KIF26B: variants seen among roughly 807,000 people sequenced by gnomAD.
KIF26B encodes kinesin-like protein KIF26B.
KIF26B carries 63 observed loss-of-function variants against 151.2 expected under a neutral mutation model. The observed-to-expected ratio is 0.42, with a 90% CI of 0.34 to 0.51. KIF26B has a LOEUF of 0.51. KIF26B is among the 20% of genes least tolerant of loss of function. KIF26B has a pLI of 0.07. For synonymous variants in KIF26B, 1,357 were observed against 1,262.1 expected, an observed-to-expected ratio of 1.08 and a Z score of -1.59; for missense variants, 2,813 against 2,913.6, an observed-to-expected ratio of 0.97 and a Z score of 0.79.
At chr1:245,210,674 C>T (rs540824505) in intron 2 of KIF26B, among the ~76,000 whole-genome samples, 102 of 152,132 alleles carry the variant, frequency 6.7e-4, no homozygotes, top group African/African-American at 2.0e-3. Flanking sequence ...AGGCCATCAC[C>T]GTAGGAGGAG....
chr1:245,522,019 GC>G (rs1661129774), intron 4 of KIF26B, among the ~76,000 whole-genome samples: 1 of 151,498 alleles, frequency 6.6e-6, no homozygotes, highest in African/African-American at 2.4e-5. Context: ...ACAGGCACCC[GC>G]CACCATGCCC....
intron 12 of KIF26B, among the ~76,000 whole-genome samples, chr1:245,692,765 G>A (rs931096788): frequency 6.6e-6 from 1 of 152,158 alleles, no homozygotes; most frequent in African/African-American, 2.4e-5. Flanking sequence ...ACAGGCTCTT[G>A]ACCAACAACG....
intron 5 of KIF26B, among the ~76,000 whole-genome samples, chr1:245,546,442 G>A (rs567151790): frequency 4.0e-4 from 59 of 146,574 alleles, no homozygotes; most frequent in South Asian, 2.7e-3. Context: ...AGGTGATGCC[G>A]GGGAAAATCT....
intron 3 of KIF26B, among the ~76,000 whole-genome samples, chr1:245,393,181 A>G (rs1673742690): frequency 6.6e-6 from 1 of 151,680 alleles, no homozygotes; most frequent in African/African-American, 2.4e-5. Context: ...AAAAGAAAGA[A>G]AAAAAAAATT....
chr1:245,678,225 C>T (rs969751369), intron 10 of KIF26B, among the ~76,000 whole-genome samples: 1 of 152,038 alleles, frequency 6.6e-6, no homozygotes, highest in Non-Finnish European at 1.5e-5. Flanking sequence ...CTTCACTCTG[C>T]AGCCGCCTCT....
chr1:245,338,529 A>G (rs1170420063), intron 2 of KIF26B, among the ~76,000 whole-genome samples: 1 of 152,168 alleles, frequency 6.6e-6, no homozygotes, highest in Non-Finnish European at 1.5e-5. Flanking sequence ...TATACATCTG[A>G]TTCACTTGCA....
Position 245,488,394 on chromosome 1 carries a change from T to C in KIF26B, c.1167-52373T>C, listed in dbSNP as rs573989923. Among the ~76,000 whole-genome samples the C allele has an allele frequency of 5.3e-5, 8 of 152,038 alleles. No homozygotes were observed. The highest frequency in any genetic ancestry group is 1.7e-4 in the African/African-American group (7 of 41,394). ...TTCCAACAGAACCTAACAATAGATA[T>C]GCTCTCTGAAAACTCTACCCAGATC... is the stretch of plus-strand genomic sequence containing the variant. On this transcript the variant is annotated intron_variant, in intron 4 of 14. Coordinates refer to ENST00000407071, the MANE Select transcript of KIF26B (RefSeq NM_018012.4). This position sits in a 1 kb window ranked among gnomAD's most constrained non-coding sequence, Gnocchi z 4.6.
intron 4 of KIF26B, among the ~76,000 whole-genome samples, chr1:245,532,451 T>C (rs1414723728): frequency 6.6e-6 from 1 of 151,956 alleles, no homozygotes; most frequent in Non-Finnish European, 1.5e-5. Flanking sequence ...TTCATCGTGT[T>C]AGCCAGGATG....
intron 2 of KIF26B, among the ~76,000 whole-genome samples, chr1:245,341,154 G>C (rs1672324816): frequency 6.6e-6 from 1 of 152,088 alleles, no homozygotes; most frequent in African/African-American, 2.4e-5. Context: ...CAGTGCTCCA[G>C]AGTCAAGTGC....
intron 2 of KIF26B, among the ~76,000 whole-genome samples, chr1:245,359,908 T>A (rs1309099508): frequency 6.7e-6 from 1 of 150,080 alleles, no homozygotes; most frequent in Non-Finnish European, 1.5e-5. Flanking sequence ...GGTCTCACTC[T>A]GTCACCCGGG....
chr1:245,612,198 C>T (rs2043535231), intron 9 of KIF26B, among the ~76,000 whole-genome samples: 1 of 152,042 alleles, frequency 6.6e-6, no homozygotes, highest in Admixed American at 6.6e-5. Flanking sequence ...CAGCCTCAAA[C>T]TCCTGGGCTC....
At chr1:245,689,663 T>C (rs534612413) in intron 12 of KIF26B, among the ~76,000 whole-genome samples, 1 of 152,352 alleles carries the variant, frequency 6.6e-6, no homozygotes, top group South Asian at 2.1e-4. Flanking sequence ...GTTCAAGTGA[T>C]TCTCCTGCTT....
chr1:245,600,875 A>G (rs2043389024), intron 5 of KIF26B, among the ~76,000 whole-genome samples: 1 of 152,048 alleles, frequency 6.6e-6, no homozygotes, highest in South Asian at 2.1e-4. Context: ...GAGAAGTGTG[A>G]CTGTTTGTGG....
At chr1:245,513,576 C>G (rs1285730096) in intron 4 of KIF26B, among the ~76,000 whole-genome samples, 1 of 152,154 alleles carries the variant, frequency 6.6e-6, no homozygotes, top group Non-Finnish European at 1.5e-5. Context: ...GATGTTCTGC[C>G]AGAAAGCTTT....
Position 245,678,820 on chromosome 1 carries a change from A to G in KIF26B, c.2259-5413A>G, listed in dbSNP as rs555193090. On this transcript the variant is annotated intron_variant, in intron 10 of 14. Coordinates refer to ENST00000407071, the MANE Select transcript of KIF26B (RefSeq NM_018012.4). ...GGAGGTTGCCGTGAGCTGAGATCAC[A>G]CTACTGCACTCCAGCCCGGGTGACA... 1.1e-3 allele frequency among the ~76,000 whole-genome samples: 162 copies of G among 151,896 alleles called. 1 individual carries two copies. The highest frequency in any genetic ancestry group is 1.4e-3 in the Non-Finnish European group (97 of 67,930).
chr1:245,418,451 A>G (rs1449829189), intron 3 of KIF26B, among the ~76,000 whole-genome samples: 1 of 152,254 alleles, frequency 6.6e-6, no homozygotes, highest in African/African-American at 2.4e-5. Flanking sequence ...AATGGGATTC[A>G]GAGTAATGGC....
intron 2 of KIF26B, among the ~76,000 whole-genome samples, chr1:245,224,327 C>G (rs971062184): frequency 1.3e-5 from 2 of 152,200 alleles, no homozygotes; most frequent in Non-Finnish European, 2.9e-5. Flanking sequence ...AATGGAAGGT[C>G]CTCATAAAGC....
intron 5 of KIF26B, among the ~76,000 whole-genome samples, chr1:245,569,855 G>C (rs1302713086): frequency 6.4e-5 from 5 of 78,314 alleles, no homozygotes; most frequent in Non-Finnish European, 1.1e-4. Flanking sequence ...TTGTTCTTTG[G>C]GCCTTCTTTT....
At chr1:245,473,319 T>C (rs535241189) in intron 4 of KIF26B, among the ~76,000 whole-genome samples, 2 of 152,348 alleles carry the variant, frequency 1.3e-5, no homozygotes, top group African/African-American at 4.8e-5. Flanking sequence ...AATTTCTTAA[T>C]TGATGTTTCT....
Sources: gnomAD v4.1 joint callset for allele counts (sites outside exome capture counted in the v4.1 genomes callset) on GRCh38, gnomAD v4.1.1 for gene constraint, Gnocchi (gnomAD v3.1) non-coding constraint, MANE v1.5 for transcripts, NCBI Gene and HGNC (gene_info 2026-07-23, HGNC 2026-07-21) for gene names.